WWOX: variants seen among roughly 807,000 people sequenced by gnomAD.
WWOX encodes WW domain containing oxidoreductase.
In WWOX, 69 loss-of-function variants were observed where a neutral mutation model predicts 46.2. The observed-to-expected ratio is 1.49, with a 90% CI of 1.23 to 1.82. WWOX has a LOEUF of 1.82. WWOX is among the 40% of genes most tolerant of loss of function. WWOX has a pLI of 0.00. For synonymous variants in WWOX, 359 were observed against 202.6 expected (o/e 1.77, Z -6.56); for missense variants, 919 against 542.6 (o/e 1.69, Z -6.89).
chr16:78,845,371 G>A (rs1322415822), intron 8 of WWOX, among the ~76,000 whole-genome samples: 1 of 152,116 alleles, frequency 6.6e-6, no homozygotes, highest in Non-Finnish European at 1.5e-5. Context: ...CGGCCATTCT[G>A]ACATGAATAT....
chr16:78,992,065 G>T (rs911066618), intron 8 of WWOX, among the ~76,000 whole-genome samples: 1 of 152,080 alleles, frequency 6.6e-6, no homozygotes, highest in African/African-American at 2.4e-5. Context: ...GCATTAATTC[G>T]TTCATTCTTG....
chr16:78,620,690 T>TC (rs1329648883), intron 8 of WWOX, among the ~76,000 whole-genome samples: 8 of 117,218 alleles, frequency 6.8e-5, no homozygotes, highest in East Asian at 2.8e-4. Context: ...TCAGGAAATA[T>TC]GGTTTTTTTT....
intron 8 of WWOX, among the ~76,000 whole-genome samples, chr16:78,802,514 G>A (rs1451342978): frequency 1.3e-5 from 2 of 152,144 alleles, no homozygotes; most frequent in Non-Finnish European, 2.9e-5. Flanking sequence ...ATTATTAATA[G>A]TTGAGGACAA....
chr16:78,318,745 CTA>C (rs2080405273), intron 5 of WWOX, among the ~76,000 whole-genome samples: 1 of 152,082 alleles, frequency 6.6e-6, no homozygotes, highest in African/African-American at 2.4e-5. Flanking sequence ...TATTTTAACA[CTA>C]TTCTGATATA....
At chr16:78,707,406 G>T (rs1207969948) in intron 8 of WWOX, among the ~76,000 whole-genome samples, 1 of 152,166 alleles carries the variant, frequency 6.6e-6, no homozygotes, top group Non-Finnish European at 1.5e-5. Context: ...CAGGAGCATT[G>T]CTCCTTTTTA....
rs934509142 is a variant in WWOX at position 78,469,199 on chromosome 16, T to G, written c.1056+36447T>G. Among the ~76,000 whole-genome samples, 70 of 152,176 alleles carry G rather than the reference T, an allele frequency of 4.6e-4. 5 individuals carry two copies. Among genetic ancestry groups the G allele is most frequent in the Non-Finnish European group, 1.5e-5 (1 of 68,036 alleles). ...TATGGAAATCGTCAGGGATATTTAT[T>G]CCCTCTCCTGAGAAGCATAATTGAG... is the stretch of plus-strand genomic sequence containing the variant. On this transcript the variant is annotated intron_variant, in intron 8 of 8. Coordinates refer to ENST00000566780, the MANE Select transcript of WWOX (RefSeq NM_016373.4).
chr16:78,162,082 G>A (rs999702394), intron 4 of WWOX, among the ~76,000 whole-genome samples: 1 of 152,138 alleles, frequency 6.6e-6, no homozygotes, highest in Non-Finnish European at 1.5e-5. Flanking sequence ...CCTCCTGCCT[G>A]AAGAGCATCC....
rs1461522241 is a variant in WWOX, at chr16:78,267,833, G to C, written c.516+103544G>C. 1.9e-4 allele frequency among the ~76,000 whole-genome samples: 29 copies of C among 151,688 alleles called. 1 individual carries two copies. Among genetic ancestry groups the C allele is most frequent in the Admixed American group, 1.9e-3 (29 of 15,232 alleles). ...TTGCCCAGGCTCATCTCTGCCTGCC[G>C]GGTTCAAGTGATTCTCCTTCTTCAG... On this transcript the variant is annotated intron_variant, in intron 5 of 8. Coordinates refer to ENST00000566780, the MANE Select transcript of WWOX (RefSeq NM_016373.4).
intron 5 of WWOX, among the ~76,000 whole-genome samples, chr16:78,170,329 T>G (rs1339611958): frequency 6.6e-6 from 1 of 152,206 alleles, no homozygotes; most frequent in Admixed American, 6.5e-5. Flanking sequence ...ATATCTCTAT[T>G]CAGAGATACA....
At chr16:79,021,326 C>G (rs1033633823) in intron 8 of WWOX, among the ~76,000 whole-genome samples, 2 of 152,170 alleles carry the variant, frequency 1.3e-5, no homozygotes, top group Non-Finnish European at 1.5e-5. Context: ...TGTCTCTACT[C>G]TCAAGAAACT....
chr16:78,305,982 A>C (rs995824956), intron 5 of WWOX, among the ~76,000 whole-genome samples: 1 of 152,088 alleles, frequency 6.6e-6, no homozygotes, highest in Non-Finnish European at 1.5e-5. Flanking sequence ...GTTCTAATAC[A>C]GATGTCCTTT....
chr16:78,939,624 A>G (rs2045811569), intron 8 of WWOX, among the ~76,000 whole-genome samples: 1 of 152,268 alleles, frequency 6.6e-6, no homozygotes, highest in Non-Finnish European at 1.5e-5. Flanking sequence ...ACATGGTCAA[A>G]TTATTCAATG....
chr16:78,429,161 C>G (rs1251822554), intron 7 of WWOX, among the ~76,000 whole-genome samples: 1 of 152,164 alleles, frequency 6.6e-6, no homozygotes, highest in Non-Finnish European at 1.5e-5. Flanking sequence ...AATTCACAGT[C>G]TAGTTTTGGA....
chr16:78,935,564 C>T (rs1026909882), intron 8 of WWOX, among the ~76,000 whole-genome samples: 2 of 147,088 alleles, frequency 1.4e-5, no homozygotes, highest in Non-Finnish European at 3.0e-5. Context: ...AATGAGAACA[C>T]TTGGACACAG....
chr16:78,920,673 T>C (rs2045357539), intron 8 of WWOX, among the ~76,000 whole-genome samples: 1 of 152,316 alleles, frequency 6.6e-6, no homozygotes, highest in South Asian at 2.1e-4. Flanking sequence ...AACACTCCTT[T>C]GTCTTTCAGA....
chr16:78,930,222 T>TCTCCCTTCCTTCCTTC (rs2045589641), intron 8 of WWOX, among the ~76,000 whole-genome samples: 1 of 104,956 alleles, frequency 9.5e-6, no homozygotes, highest in Non-Finnish European at 2.0e-5. Context: ...TCAGGACCTT[T>TCTCCCTTCCTTCCTTC]CTTCCTTCCT....
At chr16:78,977,755 G>A (rs1048838244) in intron 8 of WWOX, among the ~76,000 whole-genome samples, 1 of 152,012 alleles carries the variant, frequency 6.6e-6, no homozygotes, top group African/African-American at 2.4e-5. Flanking sequence ...CGTCCTGAAG[G>A]ACCCCCTTCC....
At chr16:78,122,993 T>G (rs1290165184) in intron 4 of WWOX, among the ~76,000 whole-genome samples, 2 of 152,184 alleles carry the variant, frequency 1.3e-5, no homozygotes, top group South Asian at 4.1e-4. Context: ...TGCCCTTTGA[T>G]ATAATTAAAC....
rs183941911 is a variant in WWOX at position 78,528,880 on chromosome 16, C to T, written c.1056+96128C>T. On this transcript the variant is annotated intron_variant, in intron 8 of 8. Transcript: ENST00000566780. ...TCTTGGATTCCCAGCTTACTCACATCATAGATGGAGAGTCAGTTGTTTAGA... is the reference window on the plus strand; with the variant it reads ...TCTTGGATTCCCAGCTTACTCACATTATAGATGGAGAGTCAGTTGTTTAGA... Among the ~76,000 whole-genome samples the T allele has an allele frequency of 4.6e-3, 707 of 152,104 alleles. 2 individuals are homozygous for T. The highest frequency in any genetic ancestry group is 0.027 in the Middle Eastern group (8 of 294).
Sources: allele counts gnomAD v4.1 joint callset (sites outside exome capture counted in the v4.1 genomes callset), GRCh38; gene constraint gnomAD v4.1.1; transcripts MANE v1.5; gene names NCBI Gene and HGNC (gene_info 2026-07-23, HGNC 2026-07-21).